The following RNF213 variants were observed in gnomAD, a reference collection of about 807,000 sequenced individuals.
The protein encoded by RNF213 is ring finger protein 213.
A neutral mutation model predicts 514.4 loss-of-function variants in RNF213; 341 were observed. The observed-to-expected ratio is 0.66, with a 90% CI of 0.61 to 0.73. The LOEUF (loss-of-function observed/expected upper bound fraction) is 0.73, where lower values mean the gene tolerates loss of function less well. Among genes scored for constraint, RNF213 ranks in the 30% least tolerant of loss-of-function variants. RNF213 has a pLI of 0.00. For synonymous variants in RNF213, 2,655 were observed against 2,658.2 expected (o/e 1.00, Z 0.04); for missense variants, 5,767 against 6,615.6 (o/e 0.87, Z 4.45).
chr17:80,386,599 C>T (rs933608431), intron 62 of RNF213, 91 bp from the exon 63 acceptor site: 52 of 1,494,322 alleles, frequency 3.5e-5, no homozygotes, highest in Non-Finnish European at 4.5e-5. Context: ...ACTGCTCCAA[C>T]TGTGAGAAAT....
Position 80,372,398 on chromosome 17 carries a change from T to C in RNF213, c.12538-123T>C, listed in dbSNP as rs1207285023. ...TTTCCATAAGTCAAGAAATTTACAC[T>C]GAAACCTACAGTAACATTCTTCTAT... On this transcript the variant is annotated intron_variant, in intron 47 of 67. Transcript: ENST00000582970. 4.5e-5 allele frequency: 33 copies of C among 739,124 alleles called. No homozygotes were observed. The Admixed American group carries it at 5.3e-4, about 12-fold the overall frequency. The allele number at this position is 739,124 out of a possible 1,614,324, so 45.8% of individuals were successfully genotyped here. A position where few individuals can be genotyped will look rare whatever the true frequency, so the allele number is the denominator to read the frequency against.
At chr17:80,352,043 C>T (rs571864191) in intron 32 of RNF213, 14 of 354,848 alleles carry the variant, frequency 3.9e-5, no homozygotes, top group East Asian at 3.3e-4. Flanking sequence ...TTAGTAGTGA[C>T]GGGGTTTCAC....
At position 80,376,903 on chromosome 17, in the gene RNF213, C is replaced by T. The variant is rs1458838922; in HGVS notation, c.13450C>T (p.Pro4484Ser). Residue 4484 changes from proline to serine, a missense_variant, in exon 53 of 68, where the codon CCT (proline) becomes TCT (serine). By Grantham distance (74) the Pro-to-Ser change is moderately conservative. Coordinates refer to ENST00000582970, the MANE Select transcript of RNF213 (RefSeq NM_001256071.3). ...TMAHAFLPTM[P>S]EDLLAQARRW... Reference sequence around the variant, plus strand: ...TCAGCATGCTTTTCTTCCAACCATGCCTGAAGACTTGCTGGCTCAAGCTCG... The same window carrying T: ...TCAGCATGCTTTTCTTCCAACCATGTCTGAAGACTTGCTGGCTCAAGCTCG... 1.2e-6 allele frequency: 2 copies of T among 1,614,058 alleles called. No homozygotes were observed. The highest frequency in any genetic ancestry group is 1.7e-6 in the Non-Finnish European group (2 of 1,179,986).
At position 80,336,353 on chromosome 17, in the gene RNF213, A is replaced by G; in HGVS notation, c.4502A>G (p.Lys1501Arg). 1 of 1,537,308 alleles carries G rather than the reference A, an allele frequency of 6.5e-7. No homozygotes were observed. Among genetic ancestry groups the G allele is most frequent in the Non-Finnish European group, 8.7e-7 (1 of 1,146,918 alleles). The part of the protein sequence containing the change: ...HLKKLWKALD[K>R]DQYLPRKLCD... ...AAAAAGCTGTGGAAGGCTCTGGATA[A>G]GGACCAGTACCTGCCCAGGAAACTG... Residue 1501 changes from lysine (K) to arginine (R), a missense_variant, in exon 23 of 68, where the codon AAG becomes AGG. Physicochemically the swap from Lys to Arg is conservative, Grantham distance 26. Around this residue, in one of 13 missense-constraint regions of RNF213, gnomAD observed 1,377 missense variants for 1,635.2 expected, o/e 0.84. Coordinates refer to ENST00000582970, the MANE Select transcript of RNF213 (RefSeq NM_001256071.3).
chr17:80,369,884 G>C lies in RNF213; in HGVS notation c.12425+17G>C. On this transcript the variant is annotated intron_variant, in intron 46 of 67. Coordinates refer to ENST00000582970, the MANE Select transcript of RNF213 (RefSeq NM_001256071.3). ...GAAGTACAGGTAAGAACAACATGGAGACTTGCTTCTGGAAAGCCCTGGCTT... is the reference window on the plus strand; with the variant it reads ...GAAGTACAGGTAAGAACAACATGGACACTTGCTTCTGGAAAGCCCTGGCTT... The C allele has an allele frequency of 1.3e-6, 2 of 1,544,704 alleles. No homozygotes were observed. The highest frequency in any genetic ancestry group is 1.8e-6 in the Non-Finnish European group (2 of 1,117,350).
chr17:80,351,651 T>TA (rs1158431923), intron 31 of RNF213, 34 bp from the exon 32 acceptor site: 1 of 1,158,608 alleles, frequency 8.6e-7, no homozygotes, highest in African/African-American at 1.6e-5. Flanking sequence ...TGTTTGTTTT[T>TA]AAAATAGGTA....
intron 56 of RNF213, chr17:80,381,266 T>G: frequency 1.7e-6 from 1 of 595,312 alleles, no homozygotes; most frequent in East Asian, 2.9e-5. Context: ...TTCATTATTT[T>G]ACCTGTGTCT....
chr17:80,305,305 A>G (rs1017421155), intron 11 of RNF213, among the ~76,000 whole-genome samples: 2 of 151,486 alleles, frequency 1.3e-5, no homozygotes, highest in African/African-American at 4.9e-5. Context: ...CAGCCTCCCA[A>G]GTAGCTGGGA....
chr17:80,313,565 GATGGTGGTC>G (rs1281021600), intron 15 of RNF213, among the ~76,000 whole-genome samples: 1 of 151,218 alleles, frequency 6.6e-6, no homozygotes, highest in African/African-American at 2.4e-5. Context: ...TGATGGTGGT[GATGGTGGTC>G]ATGGAGGTGG....
rs1599095265 is a variant in RNF213 at position 80,352,929 on chromosome 17, A to C, written c.10304-11A>C. On this transcript the variant is annotated splice_polypyrimidine_tract_variant and intron_variant, in intron 32 of 67. Transcript: ENST00000582970. ...CACAAAGACAGTTGTGGGTGGCTTCACTCTTCACAGGGCTGTGGCAGTCTG... is the reference window on the plus strand; with the variant it reads ...CACAAAGACAGTTGTGGGTGGCTTCCCTCTTCACAGGGCTGTGGCAGTCTG... The C allele has an allele frequency of 6.2e-7, 1 of 1,613,810 alleles. No individual in the cohort carries two copies. The highest frequency in any genetic ancestry group is 1.3e-5 in the African/African-American group (1 of 74,948).
Position 80,263,619 on chromosome 17 carries a change from T to C in RNF213, c.-63T>C, listed in dbSNP as rs1296863258. On this transcript the variant is annotated 5_prime_UTR_variant, in exon 2 of 68. It removes the in-frame stop codon of an upstream open reading frame in the 5' UTR. Transcript: ENST00000582970. The surrounding 1 kb of genome is among the most constrained non-coding windows in gnomAD (Gnocchi z 4.9). ...GTCACGTGACAGGACATGTAGTATA[T>C]AGCAGGCTGCCAGCGACTCCTGCTC... The C allele has an allele frequency of 1.5e-6, 2 of 1,309,082 alleles. No homozygotes were observed. The highest frequency in any genetic ancestry group is 4.6e-5 in the East Asian group (2 of 43,496). 81.1% of individuals were successfully genotyped at this position (1,309,082 alleles called of 1,614,324 possible).
At chr17:80,385,668 G>A (rs749963950) in intron 61 of RNF213, 47 bp downstream of exon 61, 28 of 1,515,652 alleles carry the variant, frequency 1.8e-5, no homozygotes, top group Middle Eastern at 1.7e-4. Flanking sequence ...GGAGAGCCTC[G>A]TCTGAAAGCT....
rs1599232248 is a variant in RNF213, at chr17:80,393,863, A to G, written c.*365A>G. 1.7e-5 allele frequency: 4 copies of G among 238,600 alleles called. No individual in the cohort carries two copies. The highest frequency in any genetic ancestry group is 3.3e-5 in the Non-Finnish European group (4 of 120,578). 14.8% of individuals were successfully genotyped at this position (238,600 alleles called of 1,614,324 possible). A position where few individuals can be genotyped will look rare whatever the true frequency, so the allele number is the denominator to read the frequency against. On this transcript the variant is annotated 3_prime_UTR_variant, in exon 68 of 68. Coordinates refer to ENST00000582970, the MANE Select transcript of RNF213 (RefSeq NM_001256071.3). Reference sequence around the variant, plus strand: ...TGCCCGTTCGCCTCTGGCACTGCCCACCCCTCTTTTTTTTTTTCTTCTAAT... The same window carrying G: ...TGCCCGTTCGCCTCTGGCACTGCCCGCCCCTCTTTTTTTTTTTCTTCTAAT...
intron 15 of RNF213, chr17:80,316,242 A>G (rs2045945222): frequency 6.6e-6 from 1 of 151,982 alleles, no homozygotes; most frequent in South Asian, 2.1e-4. Context: ...ACGGAGCGAG[A>G]CCCTGTCTCT....
Position 80,336,085 on chromosome 17 carries a change from A to C in RNF213, c.4310-76A>C, listed in dbSNP as rs189765635. 4.9e-6 allele frequency: 6 copies of C among 1,220,696 alleles called. No homozygotes were observed. The South Asian group carries it at 8.3e-5, about 17-fold the overall frequency. 75.6% of individuals were successfully genotyped at this position (1,220,696 alleles called of 1,614,324 possible). A position where few individuals can be genotyped will look rare whatever the true frequency, so the allele number is the denominator to read the frequency against. On this transcript the variant is annotated intron_variant, in intron 22 of 67. Transcript: ENST00000582970. ...TGAAATATCCATTTCAGCTTCAGTA[A>C]GGATTACTGCCCAAGACCGAGTCTT...
intron 14 of RNF213, 91 bp from the exon 15 acceptor site, chr17:80,312,921 C>T (rs1052711665): frequency 3.4e-6 from 5 of 1,463,452 alleles, no homozygotes; most frequent in Non-Finnish European, 4.8e-6. Flanking sequence ...CAGCCTGTGC[C>T]AGCAGGGAGG....
rs760160793 is a variant in RNF213, at chr17:80,263,745, G to A, written c.64G>A (p.Gly22Arg). ...EETPKFCSQC[G>R]ERLPPAAPIA... ...AACCCCCAAGTTCTGCAGCCAGTGC[G>A]GAGAGAGGCTGCCTCCTGCAGCCCC... Residue 22 changes from glycine (G) to arginine (R), a missense_variant, in exon 2 of 68, where the codon GGA becomes AGA. Coordinates refer to ENST00000582970, the MANE Select transcript of RNF213 (RefSeq NM_001256071.3). The surrounding 1 kb of genome is among the most constrained non-coding windows in gnomAD (Gnocchi z 4.9). 2.7e-5 allele frequency: 43 copies of A among 1,614,112 alleles called. No homozygotes were observed. Among genetic ancestry groups the A allele is most frequent in the Middle Eastern group, 1.7e-4 (1 of 6,056 alleles).
chr17:80,318,878 G>A (rs1436311346), intron 16 of RNF213, among the ~76,000 whole-genome samples: 1 of 152,178 alleles, frequency 6.6e-6, no homozygotes, highest in East Asian at 1.9e-4. Flanking sequence ...CGGCCTATAT[G>A]TAACTGTTAA....
intron 2 of RNF213, among the ~76,000 whole-genome samples, chr17:80,272,460 G>T (rs2043856142): frequency 6.6e-6 from 1 of 152,174 alleles, no homozygotes; most frequent in Non-Finnish European, 1.5e-5. Context: ...AAGCCTGATG[G>T]GACATCTTGA....
Sources: gnomAD v4.1 joint callset for allele counts (sites outside exome capture counted in the v4.1 genomes callset) on GRCh38, gnomAD v4.1.1 for gene constraint, gnomAD v4.1.1 regional missense constraint, Gnocchi (gnomAD v3.1) non-coding constraint, MANE v1.5 for transcripts, NCBI Gene and HGNC (gene_info 2026-07-23, HGNC 2026-07-21) for gene names.